RCAN2: variants seen among roughly 807,000 people sequenced by gnomAD.
The protein encoded by RCAN2 is calcipressin-2.
Under a neutral mutation model 23.6 loss-of-function variants are expected in RCAN2, and 9 were observed. The observed-to-expected ratio is 0.38, with a 90% CI of 0.23 to 0.67. RCAN2 has a LOEUF of 0.67. RCAN2 is among the 30% of genes least tolerant of loss of function. RCAN2 has a pLI of 0.51. For missense variants in RCAN2, 273 were observed against 302.3 expected, an observed-to-expected ratio of 0.90 and a Z score of 0.72; for synonymous variants, 109 against 115.7, an observed-to-expected ratio of 0.94 and a Z score of 0.37.
intron 2 of RCAN2, among the ~76,000 whole-genome samples, chr6:46,315,597 G>A (rs775667143): frequency 3.9e-5 from 6 of 152,278 alleles, no homozygotes; most frequent in Admixed American, 1.3e-4. Flanking sequence ...GAGGTCAGCA[G>A]GGCTGTTGGG....
intron 2 of RCAN2, among the ~76,000 whole-genome samples, chr6:46,288,459 T>G (rs1762439773): frequency 6.6e-6 from 1 of 152,212 alleles, no homozygotes; most frequent in Non-Finnish European, 1.5e-5. Flanking sequence ...TTCACCCACC[T>G]TCAATATTCC....
intron 2 of RCAN2, among the ~76,000 whole-genome samples, chr6:46,285,474 G>A (rs995929744): frequency 6.6e-6 from 1 of 152,180 alleles, no homozygotes; most frequent in African/African-American, 2.4e-5. Flanking sequence ...CGCAAATAAA[G>A]AGGTTCTAAT....
intron 2 of RCAN2, among the ~76,000 whole-genome samples, chr6:46,351,575 C>A (rs1463858603): frequency 6.6e-6 from 1 of 152,188 alleles, no homozygotes; most frequent in East Asian, 1.9e-4. Flanking sequence ...ACAAGATACA[C>A]AGGTGAGAAA....
chr6:46,257,019 C>T (rs1766941888), intron 2 of RCAN2, among the ~76,000 whole-genome samples: 1 of 152,164 alleles, frequency 6.6e-6, no homozygotes, highest in Admixed American at 6.5e-5. Context: ...GTCCAGCATC[C>T]TCATTAAAAA....
At chr6:46,462,077 T>G (rs1308856200) in intron 1 of RCAN2, among the ~76,000 whole-genome samples, 4 of 152,208 alleles carry the variant, frequency 2.6e-5, no homozygotes, top group African/African-American at 9.6e-5. Context: ...GGCCATCATC[T>G]TCTACTGTTA....
intron 2 of RCAN2, among the ~76,000 whole-genome samples, chr6:46,349,644 T>A (rs1764587712): frequency 6.6e-6 from 1 of 152,026 alleles, no homozygotes; most frequent in Admixed American, 6.6e-5. Context: ...CTTCCTTTAA[T>A]CTTCTCTTTT....
chr6:46,366,102 G>T (rs1765164451), intron 2 of RCAN2, among the ~76,000 whole-genome samples: 1 of 152,168 alleles, frequency 6.6e-6, no homozygotes, highest in African/African-American at 2.4e-5. Flanking sequence ...GTCTGGGATT[G>T]TAACTACTAT....
At chr6:46,317,986 G>A (rs1475620927) in intron 2 of RCAN2, among the ~76,000 whole-genome samples, 1 of 152,176 alleles carries the variant, frequency 6.6e-6, no homozygotes, top group Non-Finnish European at 1.5e-5. Flanking sequence ...ATGCCTTGTA[G>A]TTAGAAGAAT....
At chr6:46,366,739 C>T (rs1485098745) in intron 2 of RCAN2, among the ~76,000 whole-genome samples, 1 of 151,684 alleles carries the variant, frequency 6.6e-6, no homozygotes, top group African/African-American at 2.4e-5. Context: ...AGAATTTCCT[C>T]ATATCTCAGA....
chr6:46,418,679 T>G (rs1766778844), intron 2 of RCAN2, among the ~76,000 whole-genome samples: 1 of 132,512 alleles, frequency 7.5e-6, no homozygotes, highest in African/African-American at 2.7e-5. Flanking sequence ...TAATCATCTC[T>G]AAAATATGTG....
At chr6:46,441,189 C>T (rs376010237) in intron 2 of RCAN2, among the ~76,000 whole-genome samples, 11 of 152,294 alleles carry the variant, frequency 7.2e-5, no homozygotes, top group Admixed American at 2.0e-4. Flanking sequence ...CTGTCTACTT[C>T]ATCTCATTTA....
intron 1 of RCAN2, among the ~76,000 whole-genome samples, chr6:46,490,684 A>C (rs1582243350): frequency 6.6e-6 from 1 of 152,114 alleles, no homozygotes; most frequent in South Asian, 2.1e-4. Flanking sequence ...AGCCCGCTGC[A>C]CCTCAGTGCA....
intron 2 of RCAN2, among the ~76,000 whole-genome samples, chr6:46,349,884 A>G (rs1002867868): frequency 1.1e-4 from 17 of 152,170 alleles, no homozygotes; most frequent in Non-Finnish European, 2.4e-4. Context: ...CAATCAATTC[A>G]TATCATTCCC....
intron 2 of RCAN2, among the ~76,000 whole-genome samples, chr6:46,252,206 T>C (rs1295072405): frequency 6.6e-6 from 1 of 152,166 alleles, no homozygotes; most frequent in East Asian, 1.9e-4. Flanking sequence ...AGCCACCAGA[T>C]GTACACTGAG....
chr6:46,426,836 A>G (rs967955986), intron 2 of RCAN2, among the ~76,000 whole-genome samples: 19 of 152,336 alleles, frequency 1.2e-4, no homozygotes, highest in African/African-American at 3.6e-4. Context: ...TAACTTGCTC[A>G]AGGTCACACA....
At chr6:46,440,185 T>C (rs899683853) in intron 2 of RCAN2, among the ~76,000 whole-genome samples, 52 of 152,200 alleles carry the variant, frequency 3.4e-4, no homozygotes, top group African/African-American at 1.2e-3. Flanking sequence ...TTATAAGTGT[T>C]CATTTCCTCA....
intron 1 of RCAN2, among the ~76,000 whole-genome samples, chr6:46,475,834 T>C (rs1208147887): frequency 2.0e-5 from 3 of 152,124 alleles, no homozygotes; most frequent in African/African-American, 7.2e-5. Flanking sequence ...ACAAAGCAAA[T>C]TGAACAACCA....
chr6:46,384,288 A>G (rs1053040087), intron 2 of RCAN2, among the ~76,000 whole-genome samples: 1 of 152,184 alleles, frequency 6.6e-6, no homozygotes, highest in Non-Finnish European at 1.5e-5. Flanking sequence ...AATCCCTTCT[A>G]TTGAACTACC....
intron 4 of RCAN2, among the ~76,000 whole-genome samples, chr6:46,229,691 T>C (rs751117466): frequency 6.6e-6 from 1 of 152,228 alleles, no homozygotes; most frequent in Non-Finnish European, 1.5e-5. Flanking sequence ...TCAAGGTTTT[T>C]AGCTTCTTTG....
Sources: allele counts gnomAD v4.1 joint callset (sites outside exome capture counted in the v4.1 genomes callset), GRCh38; gene constraint gnomAD v4.1.1; transcripts MANE v1.5; gene names NCBI Gene and HGNC (gene_info 2026-07-23, HGNC 2026-07-21).